SLC9A9: variants seen among roughly 807,000 people sequenced by gnomAD.
The protein encoded by SLC9A9 is sodium/hydrogen exchanger 9.
A neutral mutation model predicts 77.8 loss-of-function variants in SLC9A9; 62 were observed. The observed-to-expected ratio is 0.80, with a 90% confidence interval of 0.65 to 0.98. SLC9A9 has a LOEUF of 0.98. Ranked by LOEUF, SLC9A9 falls within the 50% of genes least tolerant of loss-of-function variation. The pLI, the probability that SLC9A9 is intolerant of heterozygous loss-of-function variation, is 0.00. For synonymous variants in SLC9A9, 320 were observed against 283.5 expected (o/e 1.13, Z -1.29); for missense variants, 775 against 774.9 (o/e 1.00, Z 0.00).
At position 143,265,426 on chromosome 3, in the gene SLC9A9, T is replaced by TAACA. The variant is rs1937680478; in HGVS notation, c.*1272_*1275dup. ...ACCACAGTGAATGTTGTTTAAGGCCTAACAAACAGTGGTCAGCAAAGCATA... is the reference window on the plus strand; with the variant it reads ...ACCACAGTGAATGTTGTTTAAGGCCTAACAAACAAACAGTGGTCAGCAAAGCATA... On this transcript the variant is annotated 3_prime_UTR_variant, in exon 16 of 16. Transcript: ENST00000316549. 6.5e-6 allele frequency: 1 copy of TAACA among 154,692 alleles called. No homozygotes were observed. Among genetic ancestry groups the TAACA allele is most frequent in the African/African-American group, 2.4e-5 (1 of 41,560 alleles). The allele number at this position is 154,692 out of a possible 1,614,324, so 9.6% of individuals were successfully genotyped here. A position where few individuals can be genotyped will look rare whatever the true frequency, so the allele number is the denominator to read the frequency against.
chr3:143,696,478 G>A (rs779899167), intron 4 of SLC9A9, among the ~76,000 whole-genome samples: 1 of 152,154 alleles, frequency 6.6e-6, no homozygotes. Flanking sequence ...AATTATAACT[G>A]TTATCTACAT....
chr3:143,612,387 C>T (rs1383885653), intron 6 of SLC9A9, among the ~76,000 whole-genome samples: 2 of 152,182 alleles, frequency 1.3e-5, no homozygotes, highest in African/African-American at 4.8e-5. Flanking sequence ...TGTCCTCAGA[C>T]AGTCTCTCTC....
intron 14 of SLC9A9, among the ~76,000 whole-genome samples, chr3:143,327,216 G>T (rs1401671321): frequency 6.6e-6 from 1 of 152,098 alleles, no homozygotes; most frequent in South Asian, 2.1e-4. Context: ...CCAAGTGAAG[G>T]CTACACTTCC....
intron 2 of SLC9A9, among the ~76,000 whole-genome samples, chr3:143,801,789 G>A (rs2008567020): frequency 6.6e-6 from 1 of 152,080 alleles, no homozygotes; most frequent in Non-Finnish European, 1.5e-5. Context: ...CTTAACTCGG[G>A]CCCTCACTCT....
intron 11 of SLC9A9, among the ~76,000 whole-genome samples, chr3:143,478,975 T>C (rs928930339): frequency 2.6e-5 from 4 of 152,222 alleles, no homozygotes; most frequent in Non-Finnish European, 5.9e-5. Context: ...AAAATCTAAA[T>C]GTACACAGAA....
chr3:143,613,923 T>C (rs187713724), intron 6 of SLC9A9, among the ~76,000 whole-genome samples: 26 of 152,360 alleles, frequency 1.7e-4, no homozygotes, highest in African/African-American at 6.0e-4. Flanking sequence ...ATTATTCTTA[T>C]GGGAATTGAA....
At chr3:143,626,551 G>T (rs969640003) in intron 6 of SLC9A9, among the ~76,000 whole-genome samples, 1 of 151,758 alleles carries the variant, frequency 6.6e-6, no homozygotes, top group African/African-American at 2.4e-5. Flanking sequence ...TCACTCATAG[G>T]TGGGAATTGA....
chr3:143,435,949 G>A (rs2034614287), intron 12 of SLC9A9, among the ~76,000 whole-genome samples: 1 of 152,190 alleles, frequency 6.6e-6, no homozygotes, highest in Admixed American at 6.5e-5. Context: ...GACAGAACTA[G>A]GAGAAATCAT....
chr3:143,553,054 G>A (rs552596615), intron 8 of SLC9A9, among the ~76,000 whole-genome samples: 65 of 152,274 alleles, frequency 4.3e-4, no homozygotes, highest in African/African-American at 1.4e-3. Flanking sequence ...CTGTCCTGCT[G>A]CCAAACACAC....
At chr3:143,578,488 C>T in intron 7 of SLC9A9, 97 bp downstream of exon 7, 1 of 1,578,424 alleles carries the variant, frequency 6.3e-7, no homozygotes, top group South Asian at 1.1e-5. Flanking sequence ...GACTATCTAG[C>T]CTTTTATGGG....
Position 143,831,064 on chromosome 3 carries a change from A to T in SLC9A9, c.378+955T>A, listed in dbSNP as rs192409605. 2.1e-4 allele frequency among the ~76,000 whole-genome samples: 32 copies of T among 152,256 alleles called. No individual in the cohort carries two copies. The East Asian group carries it at 6.0e-3, about 28-fold the overall frequency. On this transcript the variant is annotated intron_variant, in intron 2 of 15. Coordinates refer to ENST00000316549, the MANE Select transcript of SLC9A9 (RefSeq NM_173653.4). The stretch of plus-strand genomic sequence containing the variant: ...TATAAATTAGTCATCTTGACTGAGG[A>T]AAAATGGCAGACCAAGTACCTCCCC...
At chr3:143,414,515 TATTTCAAAC>T (rs1278462929) in intron 12 of SLC9A9, among the ~76,000 whole-genome samples, 1 of 152,242 alleles carries the variant, frequency 6.6e-6, no homozygotes, top group Non-Finnish European at 1.5e-5. Flanking sequence ...GTTTTAGAGA[TATTTCAAAC>T]ATTTCATCAT....
chr3:143,631,156 C>CT (rs1022890772), intron 6 of SLC9A9, among the ~76,000 whole-genome samples: 2 of 152,158 alleles, frequency 1.3e-5, no homozygotes, highest in African/African-American at 4.8e-5. Context: ...ACATCTAACT[C>CT]TAAATCCTTC....
At chr3:143,603,668 A>T (rs2037880257) in intron 6 of SLC9A9, among the ~76,000 whole-genome samples, 1 of 152,200 alleles carries the variant, frequency 6.6e-6, no homozygotes, top group African/African-American at 2.4e-5. Flanking sequence ...GAGAGACCAT[A>T]ACTAGAACCA....
chr3:143,611,222 A>AAT (rs1205079068), intron 6 of SLC9A9, among the ~76,000 whole-genome samples: 1 of 152,208 alleles, frequency 6.6e-6, no homozygotes, highest in Admixed American at 6.5e-5. Flanking sequence ...ATATTGATAG[A>AAT]ATATAGATAA....
Position 143,363,781 on chromosome 3 carries a change from C to T in SLC9A9, c.1525-218G>A, listed in dbSNP as rs562622257. Among the ~76,000 whole-genome samples, 2 of 152,230 alleles carry T rather than the reference C, an allele frequency of 1.3e-5. 1 individual carries two copies. The highest frequency in any genetic ancestry group is 4.1e-4 in the South Asian group (2 of 4,824). ...TTGGAGTATTTCAACATTTACTTTT[C>T]TTAATAATCCCAATTTTATTAAATA... On this transcript the variant is annotated intron_variant, in intron 13 of 15. Coordinates refer to ENST00000316549, the MANE Select transcript of SLC9A9 (RefSeq NM_173653.4).
At chr3:143,644,300 G>A (rs1313273662) in intron 6 of SLC9A9, among the ~76,000 whole-genome samples, 1 of 152,182 alleles carries the variant, frequency 6.6e-6, no homozygotes, top group Non-Finnish European at 1.5e-5. Context: ...CATCCACATG[G>A]ATTTCTTTTA....
At chr3:143,467,811 C>A (rs924254334) in intron 11 of SLC9A9, among the ~76,000 whole-genome samples, 8 of 151,976 alleles carry the variant, frequency 5.3e-5, no homozygotes, top group Non-Finnish European at 1.2e-4. Flanking sequence ...TTTATAACCA[C>A]ACCTACTTCC....
chr3:143,575,898 G>T (rs1378493149), intron 7 of SLC9A9, among the ~76,000 whole-genome samples: 2 of 152,100 alleles, frequency 1.3e-5, no homozygotes, highest in Non-Finnish European at 1.5e-5. Flanking sequence ...CTCCTTCATA[G>T]CCTGTGTCTG....
Sources: gnomAD v4.1 joint callset for allele counts (sites outside exome capture counted in the v4.1 genomes callset) on GRCh38, gnomAD v4.1.1 for gene constraint, MANE v1.5 for transcripts, NCBI Gene and HGNC (gene_info 2026-07-23, HGNC 2026-07-21) for gene names.